Variants in GNAO1 observed in about 807,000 individuals in gnomAD.
GNAO1 encodes the protein G protein subunit alpha o1, also known as guanine nucleotide-binding protein G(o) subunit alpha.
For missense variants in GNAO1, 166 were observed against 478.7 expected, an observed-to-expected ratio of 0.35 and a Z score of 6.10; for synonymous variants, 164 against 180.7, an observed-to-expected ratio of 0.91 and a Z score of 0.74.
At chr16:56,219,742 C>T (rs1258029410) in intron 2 of GNAO1, among the ~76,000 whole-genome samples, 2 of 152,122 alleles carry the variant, frequency 1.3e-5, no homozygotes, top group Non-Finnish European at 1.5e-5. Flanking sequence ...CTTCATGGCT[C>T]TGACCTCCCC....
intron 3 of GNAO1, among the ~76,000 whole-genome samples, chr16:56,295,257 A>G (rs1165355554): frequency 1.3e-5 from 2 of 151,698 alleles, no homozygotes; most frequent in Non-Finnish European, 2.9e-5. Context: ...GAACTTGTGG[A>G]CTCTGGGGTC....
At chr16:56,205,471 C>A (rs1283637134) in intron 2 of GNAO1, among the ~76,000 whole-genome samples, 1 of 152,172 alleles carries the variant, frequency 6.6e-6, no homozygotes, top group Non-Finnish European at 1.5e-5. Context: ...TCTGTGGCCT[C>A]ATTGGTGGGA....
At chr16:56,329,995 T>C (rs1357090015) in intron 4 of GNAO1, among the ~76,000 whole-genome samples, 2 of 152,168 alleles carry the variant, frequency 1.3e-5, no homozygotes, top group African/African-American at 4.8e-5. Context: ...GCAATGCCAA[T>C]GGACAGAGGC....
At chr16:56,235,425 C>G (rs185094872) in intron 2 of GNAO1, 154 of 455,830 alleles carry the variant, frequency 3.4e-4, no homozygotes, top group Non-Finnish European at 4.7e-4. Flanking sequence ...CGGGACACTA[C>G]GCAGTCCAGG....
At chr16:56,213,905 G>A (rs1399592938) in intron 2 of GNAO1, among the ~76,000 whole-genome samples, 1 of 149,780 alleles carries the variant, frequency 6.7e-6, no homozygotes, top group Admixed American at 6.6e-5. Flanking sequence ...ACTAAAGACA[G>A]GGGCGGGAAA....
At chr16:56,212,743 C>T (rs913422508) in intron 2 of GNAO1, among the ~76,000 whole-genome samples, 2 of 152,128 alleles carry the variant, frequency 1.3e-5, no homozygotes, top group Non-Finnish European at 2.9e-5. Context: ...GACAAGGTCG[C>T]TGTTGTGCTA....
intron 4 of GNAO1, among the ~76,000 whole-genome samples, chr16:56,333,963 C>A (rs2037716305): frequency 6.6e-6 from 1 of 152,252 alleles, no homozygotes; most frequent in Non-Finnish European, 1.5e-5. Context: ...CAAACTTAAC[C>A]CACAATGAAC....
intron 6 of GNAO1, 21 bp downstream of exon 6, chr16:56,336,881 G>A (rs373093494): frequency 3.6e-5 from 58 of 1,598,822 alleles, no homozygotes; most frequent in Middle Eastern, 1.7e-4. Flanking sequence ...TGGGCCCCCC[G>A]GGCAGGGGGC....
rs372103298 is a variant in GNAO1, at chr16:56,328,636, C to A, written c.309C>A (p.Asp103Glu). Residue 103 changes from aspartate to glutamate, a missense_variant, in exon 4 of 9, where the codon GAC becomes GAA. By Grantham distance (45) the Asp-to-Glu change is conservative. Transcript: ENST00000262493. Reference protein sequence around the residue: ...IEYGDKERKADAKMVCDVVSR... With the variant: ...IEYGDKERKAEAKMVCDVVSR... ...CCATCCACCTCTCCTCACAGGCTGA[C>A]GCCAAGATGGTGTGTGATGTGGTGA... 1 of 1,613,878 alleles carries A rather than the reference C, an allele frequency of 6.2e-7. No homozygotes were observed. Among genetic ancestry groups the A allele is most frequent in the East Asian group, 2.2e-5 (1 of 44,860 alleles).
intron 3 of GNAO1, among the ~76,000 whole-genome samples, chr16:56,296,132 T>C (rs568172064): frequency 6.6e-6 from 1 of 152,298 alleles, no homozygotes; most frequent in Non-Finnish European, 1.5e-5. Flanking sequence ...TTGATTAAGT[T>C]TGAATTTGTG....
At chr16:56,321,959 T>G (rs954326723) in intron 3 of GNAO1, among the ~76,000 whole-genome samples, 4 of 152,218 alleles carry the variant, frequency 2.6e-5, no homozygotes, top group Non-Finnish European at 5.9e-5. Flanking sequence ...AGAAATTTAT[T>G]TCTCACAGTT....
At chr16:56,340,688 G>T in intron 6 of GNAO1, 1 of 713,918 alleles carries the variant, frequency 1.4e-6, no homozygotes, top group East Asian at 2.5e-5. Context: ...GGGTCCTCCC[G>T]TCTCCGTCCT....
chr16:56,272,193 C>T, intron 2 of GNAO1, among the ~76,000 whole-genome samples: 1 of 151,436 alleles, frequency 6.6e-6, no homozygotes, highest in East Asian at 1.9e-4. Context: ...CCTGTAGTCC[C>T]AGCTACTTGG....
At chr16:56,320,012 C>G (rs1158348680) in intron 3 of GNAO1, among the ~76,000 whole-genome samples, 1 of 152,096 alleles carries the variant, frequency 6.6e-6, no homozygotes, top group Admixed American at 6.6e-5. Flanking sequence ...ATCATTTAAC[C>G]AGAAAGATTG....
chr16:56,194,517 A>T, intron 2 of GNAO1: 1 of 315,136 alleles, frequency 3.2e-6, no homozygotes, highest in South Asian at 2.8e-5. Flanking sequence ...GGAAAAGTCG[A>T]TGGGGCTCAG....
At chr16:56,306,315 CAT>C (rs2037395563) in intron 3 of GNAO1, among the ~76,000 whole-genome samples, 1 of 152,230 alleles carries the variant, frequency 6.6e-6, no homozygotes, top group East Asian at 1.9e-4. Context: ...AAATCCCCTT[CAT>C]CGTTGTGGCG....
chr16:56,338,119 C>T (rs763297490), intron 6 of GNAO1, among the ~76,000 whole-genome samples: 6 of 152,084 alleles, frequency 3.9e-5, no homozygotes, highest in Non-Finnish European at 8.8e-5. Flanking sequence ...GTGTGGGCTA[C>T]GGGGCACAGT....
At chr16:56,352,787 G>A (rs537960552) in intron 7 of GNAO1, 11 of 152,478 alleles carry the variant, frequency 7.2e-5, no homozygotes, top group Admixed American at 5.9e-4. Flanking sequence ...CCTTCCCAAG[G>A]TGCAGAGCAG....
intron 4 of GNAO1, among the ~76,000 whole-genome samples, chr16:56,334,234 G>A (rs370131217): frequency 3.3e-5 from 5 of 152,318 alleles, no homozygotes; most frequent in East Asian, 1.9e-4. Flanking sequence ...CTCAGGGGCC[G>A]CTGAAGCCCC....
Sources: gnomAD v4.1 joint callset for allele counts (sites outside exome capture counted in the v4.1 genomes callset) on GRCh38, gnomAD v4.1.1 for gene constraint, MANE v1.5 for transcripts, NCBI Gene and HGNC (gene_info 2026-07-23, HGNC 2026-07-21) for gene names.